WIPI2: variants seen among roughly 807,000 people sequenced by gnomAD.
The protein encoded by WIPI2 is WD repeat domain, phosphoinositide interacting 2, also known as WD repeat domain phosphoinositide-interacting protein 2.
In WIPI2, 28 loss-of-function variants were observed where a neutral mutation model predicts 52.3. The observed-to-expected ratio is 0.54, with a 90% CI of 0.40 to 0.73. The LOEUF (loss-of-function observed/expected upper bound fraction) is 0.73. Ranked by LOEUF, WIPI2 falls within the 30% of genes least tolerant of loss-of-function variation. The pLI is 0.00. For synonymous variants in WIPI2, 268 were observed against 245.0 expected (o/e 1.09, Z -0.88); for missense variants, 506 against 602.9 (o/e 0.84, Z 1.68).
rs116437668 is a variant in WIPI2 at position 5,227,969 on chromosome 7, G to T, written c.1014-135G>T. 13 of 809,902 alleles carry T rather than the reference G, an allele frequency of 1.6e-5. No individual in the cohort carries two copies. In the East Asian group the frequency reaches 3.5e-4, roughly 22 times the overall value. 50.2% of individuals were successfully genotyped at this position (809,902 alleles called of 1,614,324 possible). A position where few individuals can be genotyped will look rare whatever the true frequency, so the allele number is the denominator to read the frequency against. On this transcript the variant is annotated intron_variant, in intron 10 of 12. Coordinates refer to ENST00000288828, the MANE Select transcript of WIPI2 (RefSeq NM_015610.4). The surrounding 1 kb of genome is among the most constrained non-coding windows in gnomAD (Gnocchi z 8.1). ...CCGTGTGAGCCGAGGTCAGTGGGGCGCCAGACACCTGCAGCTGCCCTTGTG... is the reference window on the plus strand; with the variant it reads ...CCGTGTGAGCCGAGGTCAGTGGGGCTCCAGACACCTGCAGCTGCCCTTGTG...
intron 3 of WIPI2, among the ~76,000 whole-genome samples, chr7:5,207,185 T>C (rs2115247721): frequency 6.6e-6 from 1 of 152,330 alleles, no homozygotes; most frequent in East Asian, 1.9e-4. Context: ...AAAATTTACT[T>C]ACAGTGGAAT....
intron 12 of WIPI2, 81 bp downstream of exon 12, chr7:5,229,819 C>A: frequency 6.4e-7 from 1 of 1,561,214 alleles, no homozygotes; most frequent in Non-Finnish European, 8.7e-7. Context: ...TCCGGAGCCA[C>A]CCCACCAGCT....
rs370316581 is a variant in WIPI2, at chr7:5,193,082, C to T, written c.75-36C>T. The T allele has an allele frequency of 2.3e-5, 37 of 1,591,282 alleles. No individual in the cohort carries two copies. In the African/African-American group the frequency reaches 4.7e-4, roughly 20 times the overall value. Reference sequence around the variant, plus strand: ...TGCATAAGTTTTATTTGTTTTTTACCATTTGTTTTTTGTTTTGTTTTGTTT... The same window carrying T: ...TGCATAAGTTTTATTTGTTTTTTACTATTTGTTTTTTGTTTTGTTTTGTTT... On this transcript the variant is annotated intron_variant, in intron 1 of 12. Transcript: ENST00000288828.
intron 7 of WIPI2, 171 bp downstream of exon 7, chr7:5,218,185 G>A (rs901642476): frequency 3.9e-5 from 24 of 613,908 alleles, no homozygotes; most frequent in Non-Finnish European, 6.0e-5. Context: ...GAGAGTGAGC[G>A]GAGCTTGCAG....
At chr7:5,210,227 G>T (rs933534827) in intron 3 of WIPI2, among the ~76,000 whole-genome samples, 1 of 152,140 alleles carries the variant, frequency 6.6e-6, no homozygotes, top group Non-Finnish European at 1.5e-5. Context: ...AACTCCTATA[G>T]ATAGTTGCCT....
Position 5,216,588 on chromosome 7 carries a change from C to A in WIPI2, c.407C>A (p.Ser136Tyr). 5 of 1,614,120 alleles carry A rather than the reference C, an allele frequency of 3.1e-6. No individual in the cohort carries two copies. Among genetic ancestry groups the A allele is most frequent in the Non-Finnish European group, 4.2e-6 (5 of 1,180,024 alleles). ...AGGCTGATAGTATGCCTGGAGGAGT[C>A]CCTGTACATCCACAACATTCGGGAC... ...RQRLIVCLEE[S>Y]LYIHNIRDMK... The change falls in exon 5 of 13, where the codon TCC becomes TAC. Residue 136 changes from serine to tyrosine, a missense_variant. This residue lies in a region of WIPI2 where 237 missense variants were observed against 346.9 expected (regional missense o/e 0.68). Coordinates refer to ENST00000288828, the MANE Select transcript of WIPI2 (RefSeq NM_015610.4).
At chr7:5,192,975 C>G in intron 1 of WIPI2, 143 bp from the exon 2 acceptor site, 1 of 713,652 alleles carries the variant, frequency 1.4e-6, no homozygotes, top group Non-Finnish European at 2.3e-6. Flanking sequence ...TGTTACATAC[C>G]AAACTATAAC....
chr7:5,225,744 C>G lies in WIPI2; in HGVS notation c.741-79C>G. On this transcript the variant is annotated intron_variant, in intron 8 of 12. Coordinates refer to ENST00000288828, the MANE Select transcript of WIPI2 (RefSeq NM_015610.4). ...GGCCCAAGTGTGCCCGTGACAGGAA[C>G]TCTTCTCCGCCACTTGAGTTGAACC... 3 of 1,005,796 alleles carry G rather than the reference C, an allele frequency of 3.0e-6. No individual in the cohort carries two copies. The South Asian group carries it at 4.2e-5, about 14-fold the overall frequency. The allele number at this position is 1,005,796 out of a possible 1,614,324, so 62.3% of individuals were successfully genotyped here. A position where few individuals can be genotyped will look rare whatever the true frequency, so the allele number is the denominator to read the frequency against.
intron 7 of WIPI2, among the ~76,000 whole-genome samples, chr7:5,222,030 A>G (rs1267067116): frequency 6.8e-6 from 1 of 146,700 alleles, no homozygotes; most frequent in Non-Finnish European, 1.5e-5. Flanking sequence ...GCTCACTGCA[A>G]CCTCCACCTC....
intron 7 of WIPI2, among the ~76,000 whole-genome samples, chr7:5,220,913 C>G (rs1458519888): frequency 6.6e-6 from 1 of 151,906 alleles, no homozygotes; most frequent in Non-Finnish European, 1.5e-5. Flanking sequence ...CGTGCCTCAG[C>G]CTCCCAACTA....
In WIPI2 at chr7:5,230,898, G is replaced by T; in HGVS notation, c.1316G>T (p.Arg439Leu). The change falls in exon 13 of 13, where the codon CGC becomes CTC. Residue 439 changes from arginine to leucine, a missense_variant. By Grantham distance (102) the Arg-to-Leu change is moderately radical. Around this residue, in one of 4 missense-constraint regions of WIPI2, gnomAD observed 194 missense variants for 175.1 expected, o/e 1.11. Coordinates refer to ENST00000288828, the MANE Select transcript of WIPI2 (RefSeq NM_015610.4). This position sits in a 1 kb window ranked among gnomAD's most constrained non-coding sequence, Gnocchi z 4.8. ...ACLEDEASAL[R>L]LDEDSEHPPM... is the part of the protein sequence containing the mutation. ...CTGGAGGACGAGGCCAGCGCCCTGCGCCTGGATGAGGACAGCGAGCACCCG... is the reference window on the plus strand; with the variant it reads ...CTGGAGGACGAGGCCAGCGCCCTGCTCCTGGATGAGGACAGCGAGCACCCG... 2 of 1,613,746 alleles carry T rather than the reference G, an allele frequency of 1.2e-6. No homozygotes were observed. Among genetic ancestry groups the T allele is most frequent in the Non-Finnish European group, 1.7e-6 (2 of 1,179,758 alleles).
chr7:5,191,817 G>T (rs1781496616), intron 1 of WIPI2, among the ~76,000 whole-genome samples: 1 of 152,186 alleles, frequency 6.6e-6, no homozygotes. Context: ...ACACTCAGTG[G>T]GTGGTGTACA....
At position 5,225,719 on chromosome 7, in the gene WIPI2, G is replaced by C. The variant is rs1034249983; in HGVS notation, c.741-104G>C. The C allele has an allele frequency of 5.2e-5, 38 of 733,068 alleles. No homozygotes were observed. The African/African-American group carries it at 6.2e-4, about 12-fold the overall frequency. The allele number at this position is 733,068 out of a possible 1,614,324, so 45.4% of individuals were successfully genotyped here. A position where few individuals can be genotyped will look rare whatever the true frequency, so the allele number is the denominator to read the frequency against. ...TAGAGGGGAATAAAACTTACCAGCA[G>C]GCCCAAGTGTGCCCGTGACAGGAAC... On this transcript the variant is annotated intron_variant, in intron 8 of 12. Coordinates refer to ENST00000288828, the MANE Select transcript of WIPI2 (RefSeq NM_015610.4).
intron 8 of WIPI2, 44 bp from the exon 9 acceptor site, chr7:5,225,779 G>A (rs1225983487): frequency 1.4e-6 from 2 of 1,464,376 alleles, no homozygotes; most frequent in East Asian, 2.3e-5. Flanking sequence ...CCCTGGGGCA[G>A]CTGCTGGCTC....
Position 5,197,067 on chromosome 7 carries a change from G to C in WIPI2, c.129-2509G>C, listed in dbSNP as rs6954461. ...GCAGAGGTTTCAGTGAGCCAGGATC[G>C]CGCTGCTGCACTCCAGCCTGCATGA... On this transcript the variant is annotated intron_variant, in intron 2 of 12. Coordinates refer to ENST00000288828, the MANE Select transcript of WIPI2 (RefSeq NM_015610.4). 2.4e-5 allele frequency among the ~76,000 whole-genome samples: 3 copies of C among 125,392 alleles called. No individual in the cohort carries two copies. In the East Asian group the frequency reaches 7.3e-4, roughly 31 times the overall value. 82.3% of individuals were successfully genotyped at this position (125,392 alleles called of 152,430 possible).
intron 2 of WIPI2, among the ~76,000 whole-genome samples, chr7:5,195,214 C>T (rs1043405688): frequency 1.3e-5 from 2 of 152,344 alleles, no homozygotes; most frequent in Admixed American, 6.5e-5. Flanking sequence ...GGGACAGGCA[C>T]AGTGGCTCAC....
chr7:5,224,123 G>A (rs539734028), intron 8 of WIPI2, among the ~76,000 whole-genome samples: 11 of 152,184 alleles, frequency 7.2e-5, no homozygotes, highest in Non-Finnish European at 1.2e-4. Context: ...CAGCCCTTCC[G>A]CCCAGCCTGA....
chr7:5,196,881 GCA>G (rs1781766486), intron 2 of WIPI2, among the ~76,000 whole-genome samples: 1 of 151,964 alleles, frequency 6.6e-6, no homozygotes, highest in Non-Finnish European at 1.5e-5. Context: ...GGAGGCCGAG[GCA>G]AGTGGATCAC....
intron 3 of WIPI2, among the ~76,000 whole-genome samples, chr7:5,205,418 C>T (rs551783413): frequency 6.6e-6 from 1 of 152,166 alleles, no homozygotes; most frequent in Non-Finnish European, 1.5e-5. Flanking sequence ...ATCTATCTCC[C>T]CCAGAACACT....
Sources: gnomAD v4.1 joint callset for allele counts (sites outside exome capture counted in the v4.1 genomes callset) on GRCh38, gnomAD v4.1.1 for gene constraint, gnomAD v4.1.1 regional missense constraint, Gnocchi (gnomAD v3.1) non-coding constraint, MANE v1.5 for transcripts, NCBI Gene and HGNC (gene_info 2026-07-23, HGNC 2026-07-21) for gene names.